CLOCK: variants seen among roughly 807,000 people sequenced by gnomAD.
The protein encoded by CLOCK is circadian locomoter output cycles protein kaput.
In CLOCK, 43 loss-of-function variants were observed where a neutral mutation model predicts 118.4. The observed-to-expected ratio is 0.36, with a 90% CI of 0.28 to 0.47. The LOEUF (loss-of-function observed/expected upper bound fraction) is 0.47. CLOCK is among the 20% of genes least tolerant of loss of function. The pLI, the probability that CLOCK is intolerant of heterozygous loss-of-function variation, is 1.00. For missense variants in CLOCK, 846 were observed against 999.9 expected (o/e 0.85, Z 2.08); for synonymous variants, 326 against 339.2 (o/e 0.96, Z 0.43).
intron 1 of CLOCK, among the ~76,000 whole-genome samples, chr4:55,525,689 CG>C (rs35859671): frequency 0.034 from 5,119 of 151,978 alleles, 103 homozygotes; most frequent in Non-Finnish European, 0.054. Flanking sequence ...AGGCTGGTCT[CG>C]AACTCTTGGC....
In CLOCK at chr4:55,433,157, T is replaced by C. The variant is rs1722633842; in HGVS notation, c.*2258A>G. On this transcript the variant is annotated 3_prime_UTR_variant, in exon 23 of 23. Coordinates refer to ENST00000513440, the MANE Select transcript of CLOCK (RefSeq NM_004898.4). ...TTGAAAGGGGAGAAGAACAATGCTA[T>C]TGCCATATTCCACAACATCCCCCTT... 1 of 152,680 alleles carries C rather than the reference T, an allele frequency of 6.5e-6. No individual in the cohort carries two copies. The highest frequency in any genetic ancestry group is 2.4e-5 in the African/African-American group (1 of 41,468). 9.5% of individuals were successfully genotyped at this position (152,680 alleles called of 1,614,324 possible).
At chr4:55,481,649 T>C (rs1283719575) in intron 4 of CLOCK, among the ~76,000 whole-genome samples, 2 of 152,132 alleles carry the variant, frequency 1.3e-5, no homozygotes, top group Admixed American at 1.3e-4. Context: ...AGAAGAGCTG[T>C]CCCCAGATGT....
chr4:55,540,838 T>C (rs767140894), intron 1 of CLOCK: 7 of 152,306 alleles, frequency 4.6e-5, no homozygotes, highest in Non-Finnish European at 1.0e-4. Flanking sequence ...TCACATTCAA[T>C]TTTCCACTAT....
chr4:55,453,870 TA>T, intron 13 of CLOCK, 46 bp from the exon 14 acceptor site: 1 of 1,399,366 alleles, frequency 7.1e-7, no homozygotes, highest in African/African-American at 1.5e-5. Context: ...TCATATTATA[TA>T]AAGATTGTTT....
Position 55,430,596 on chromosome 4 carries a change from T to A in CLOCK, c.*4819A>T, listed in dbSNP as rs1056547. ...CTATTTTTTTCCTTTAACCAAAGTATTCTTTTTCTCAGTCCTTTTTGTGCA... is the reference window on the plus strand; with the variant it reads ...CTATTTTTTTCCTTTAACCAAAGTAATCTTTTTCTCAGTCCTTTTTGTGCA... On this transcript the variant is annotated 3_prime_UTR_variant, in exon 23 of 23. Coordinates refer to ENST00000513440, the MANE Select transcript of CLOCK (RefSeq NM_004898.4). 1 of 152,004 alleles carries A rather than the reference T, an allele frequency of 6.6e-6. No homozygotes were observed. Among genetic ancestry groups the A allele is most frequent in the Non-Finnish European group, 1.5e-5 (1 of 67,986 alleles). The allele number at this position is 152,004 out of a possible 1,614,324, so 9.4% of individuals were successfully genotyped here.
chr4:55,534,724 T>C (rs1730774002), intron 1 of CLOCK, among the ~76,000 whole-genome samples: 1 of 151,906 alleles, frequency 6.6e-6, no homozygotes, highest in Admixed American at 6.6e-5. Context: ...ACTTGCTGAA[T>C]GAACAAGATG....
chr4:55,541,055 A>G (rs1731240322), intron 1 of CLOCK, among the ~76,000 whole-genome samples: 1 of 152,252 alleles, frequency 6.6e-6, no homozygotes, highest in Non-Finnish European at 1.5e-5. Flanking sequence ...AAGACTTAAA[A>G]TTAACAGAAT....
At chr4:55,537,908 A>AAAACAAATT (rs1471152773) in intron 1 of CLOCK, among the ~76,000 whole-genome samples, 1 of 152,224 alleles carries the variant, frequency 6.6e-6, no homozygotes, top group African/African-American at 2.4e-5. Flanking sequence ...CCAGAAAAAG[A>AAAACAAATT]AAACAAATTA....
At chr4:55,516,145 T>C (rs1729497612) in intron 1 of CLOCK, among the ~76,000 whole-genome samples, 1 of 152,196 alleles carries the variant, frequency 6.6e-6, no homozygotes, top group Non-Finnish European at 1.5e-5. Context: ...GAGTGTTCCA[T>C]GTAGGCTTGA....
intron 3 of CLOCK, among the ~76,000 whole-genome samples, chr4:55,484,788 C>T (rs116286471): frequency 1.8e-3 from 268 of 152,134 alleles, no homozygotes; most frequent in Non-Finnish European, 2.1e-3. Context: ...GACTAGGCAA[C>T]GCCAAGAATT....
chr4:55,544,939 T>C (rs1483396471), intron 1 of CLOCK, among the ~76,000 whole-genome samples: 1 of 152,214 alleles, frequency 6.6e-6, no homozygotes, highest in Non-Finnish European at 1.5e-5. Flanking sequence ...TTTCACTTCA[T>C]AGCAAATTTT....
At chr4:55,542,875 T>A (rs1650232799) in intron 1 of CLOCK, among the ~76,000 whole-genome samples, 1 of 151,974 alleles carries the variant, frequency 6.6e-6, no homozygotes, top group South Asian at 2.1e-4. Context: ...ACACTATCGA[T>A]CAAGTCAAAA....
chr4:55,520,514 G>A (rs1207409924), intron 1 of CLOCK, among the ~76,000 whole-genome samples: 4 of 152,014 alleles, frequency 2.6e-5, no homozygotes, highest in Non-Finnish European at 5.9e-5. Flanking sequence ...AACACCTGAG[G>A]CAAAACAGAC....
At chr4:55,473,089 G>T (rs1726259235) in intron 7 of CLOCK, among the ~76,000 whole-genome samples, 1 of 152,120 alleles carries the variant, frequency 6.6e-6, no homozygotes, top group African/African-American at 2.4e-5. Context: ...GCTCGGCGTG[G>T]TGACACATGC....
chr4:55,530,678 A>G (rs1730479783), intron 1 of CLOCK, among the ~76,000 whole-genome samples: 1 of 149,308 alleles, frequency 6.7e-6, no homozygotes. Flanking sequence ...CGGAGGTTGA[A>G]GCAGAAGAAT....
rs184181658 is a variant in CLOCK at position 55,435,607 on chromosome 4, T to C, written c.2362-13A>G. 52 of 1,613,552 alleles carry C rather than the reference T, an allele frequency of 3.2e-5. No homozygotes were observed. In the East Asian group the frequency reaches 9.8e-4, roughly 30 times the overall value. On this transcript the variant is annotated splice_polypyrimidine_tract_variant and intron_variant, in intron 22 of 22. Coordinates refer to ENST00000513440, the MANE Select transcript of CLOCK (RefSeq NM_004898.4). ...GCAACCTAGAAGTCTAAAAAACAAATGGATTATGCAGCATTGCTTTACTCC... is the reference window on the plus strand; with the variant it reads ...GCAACCTAGAAGTCTAAAAAACAAACGGATTATGCAGCATTGCTTTACTCC...
rs1212882534 is a variant in CLOCK, at chr4:55,450,156, G to C, written c.1283C>G (p.Pro428Arg). ...ACTCCGAGAAGAGGCAGAAGGGGTT[G>C]GGCTGTGATCAAACCTTTCCAATGC... ...KEALERFDHS[P>R]TPSASSRSSR... is the part of the protein sequence containing the mutation. The change falls in exon 16 of 23, where the codon CCA becomes CGA. Residue 428 changes from proline to arginine, a missense_variant. Pro to Arg is a moderately radical substitution (Grantham distance 103). Transcript: ENST00000513440. 1 of 1,613,894 alleles carries C rather than the reference G, an allele frequency of 6.2e-7. No homozygotes were observed. Among genetic ancestry groups the C allele is most frequent in the Non-Finnish European group, 8.5e-7 (1 of 1,179,988 alleles).
chr4:55,503,978 TAAAAAAAAA>T (rs60471915), intron 2 of CLOCK, among the ~76,000 whole-genome samples: 6 of 71,130 alleles, frequency 8.4e-5, no homozygotes, highest in Admixed American at 4.5e-4. Context: ...CAAAAAGAGG[TAAAAAAAAA>T]AAAAAAAAAA....
chr4:55,508,454 G>C (rs1431554094), intron 2 of CLOCK, among the ~76,000 whole-genome samples: 1 of 152,096 alleles, frequency 6.6e-6, no homozygotes, highest in African/African-American at 2.4e-5. Context: ...AAGTCACTGA[G>C]AATTGGCATG....
Sources: allele counts gnomAD v4.1 joint callset (sites outside exome capture counted in the v4.1 genomes callset), GRCh38; gene constraint gnomAD v4.1.1; transcripts MANE v1.5; gene names NCBI Gene and HGNC (gene_info 2026-07-23, HGNC 2026-07-21).